CCSER1: variants seen among roughly 807,000 people sequenced by gnomAD.
CCSER1 encodes the protein serine-rich coiled-coil domain-containing protein 1.
In CCSER1, 41 loss-of-function variants were observed where a neutral mutation model predicts 82.0. The ratio of observed to expected loss-of-function variants is 0.50; its 90% CI spans 0.39 to 0.65. The LOEUF is 0.65. CCSER1 is among the 30% of genes least tolerant of loss of function. CCSER1 has a pLI of 0.00. For synonymous variants in CCSER1, 414 were observed against 383.9 expected, an observed-to-expected ratio of 1.08 and a Z score of -0.92; for missense variants, 1,119 against 1,064.2, an observed-to-expected ratio of 1.05 and a Z score of -0.72.
At chr4:91,443,681 GAAAAT>G (rs1755362244) in intron 10 of CCSER1, among the ~76,000 whole-genome samples, 2 of 147,202 alleles carry the variant, frequency 1.4e-5, no homozygotes, top group South Asian at 2.1e-4. Flanking sequence ...TAAAATAAAA[GAAAAT>G]AATATTAGCG....
intron 10 of CCSER1, among the ~76,000 whole-genome samples, chr4:91,144,649 G>A (rs923349679): frequency 6.7e-6 from 1 of 149,834 alleles, no homozygotes; most frequent in Non-Finnish European, 1.5e-5. Flanking sequence ...GGAGATTTTG[G>A]TATATTGTGT....
At chr4:90,348,217 G>A (rs1561071107) in intron 3 of CCSER1, among the ~76,000 whole-genome samples, 1 of 152,160 alleles carries the variant, frequency 6.6e-6, no homozygotes, top group East Asian at 1.9e-4. Context: ...AACCCCCATG[G>A]TGCACGTTTA....
chr4:91,099,675 G>T (rs1410630306), intron 10 of CCSER1, among the ~76,000 whole-genome samples: 1 of 152,142 alleles, frequency 6.6e-6, no homozygotes, highest in Non-Finnish European at 1.5e-5. Context: ...GGGGTGGGGT[G>T]GGGACTGCTT....
intron 3 of CCSER1, among the ~76,000 whole-genome samples, chr4:90,395,360 C>T (rs558598346): frequency 4.6e-5 from 7 of 152,264 alleles, no homozygotes; most frequent in Admixed American, 2.0e-4. Flanking sequence ...TAATGCTAGG[C>T]ATTTATATTT....
intron 10 of CCSER1, among the ~76,000 whole-genome samples, chr4:91,421,825 A>G (rs1753699656): frequency 6.6e-6 from 1 of 151,874 alleles, no homozygotes; most frequent in African/African-American, 2.4e-5. Context: ...AAAAACCACA[A>G]TGAGAAAGGA....
intron 6 of CCSER1, among the ~76,000 whole-genome samples, chr4:90,644,127 G>T (rs1210284346): frequency 1.3e-5 from 2 of 152,102 alleles, no homozygotes; most frequent in Non-Finnish European, 2.9e-5. Flanking sequence ...CTAAACACAG[G>T]TTTAATATCC....
chr4:91,267,852 T>C (rs1289919441), intron 10 of CCSER1, among the ~76,000 whole-genome samples: 1 of 152,212 alleles, frequency 6.6e-6, no homozygotes, highest in Non-Finnish European at 1.5e-5. Context: ...GTTAAAATGA[T>C]ATAAAGCATG....
At chr4:90,838,559 C>CAA (rs372607862) in intron 8 of CCSER1, among the ~76,000 whole-genome samples, 5 of 146,540 alleles carry the variant, frequency 3.4e-5, no homozygotes, top group Admixed American at 6.8e-5. Context: ...ATCATTTGAA[C>CAA]AAAAAAAAAA....
chr4:91,253,895 C>A (rs1014846356), intron 10 of CCSER1, among the ~76,000 whole-genome samples: 5 of 152,006 alleles, frequency 3.3e-5, no homozygotes, highest in Non-Finnish European at 7.4e-5. Context: ...ATAACCAGAT[C>A]TCATGAGAAC....
At chr4:90,666,837 A>C (rs947451486) in intron 6 of CCSER1, among the ~76,000 whole-genome samples, 1 of 152,172 alleles carries the variant, frequency 6.6e-6, no homozygotes, top group South Asian at 2.1e-4. Flanking sequence ...GAATCAGGGA[A>C]ATGTATCAGG....
intron 3 of CCSER1, among the ~76,000 whole-genome samples, chr4:90,354,627 C>A (rs1428305362): frequency 6.6e-6 from 1 of 151,932 alleles, no homozygotes; most frequent in Non-Finnish European, 1.5e-5. Flanking sequence ...TTCAATTATA[C>A]CCCAATACAT....
At chr4:90,879,534 GA>G (rs1448093254) in intron 8 of CCSER1, among the ~76,000 whole-genome samples, 5,907 of 141,868 alleles carry the variant, frequency 0.042, 123 homozygotes, top group Middle Eastern at 0.057. Context: ...GGAAGAGGAA[GA>G]AGAAGAAAGA....
chr4:90,949,216 C>T (rs1732618668), intron 9 of CCSER1, among the ~76,000 whole-genome samples: 1 of 151,998 alleles, frequency 6.6e-6, no homozygotes, highest in Non-Finnish European at 1.5e-5. Flanking sequence ...GAAAAAGACA[C>T]ATTTGATGTC....
chr4:90,850,120 C>A (rs959555893), intron 8 of CCSER1, among the ~76,000 whole-genome samples: 1 of 152,178 alleles, frequency 6.6e-6, no homozygotes, highest in African/African-American at 2.4e-5. Flanking sequence ...AAGCCCCAAA[C>A]CTTGGTGACC....
At chr4:91,475,817 C>T (rs1757560273) in intron 10 of CCSER1, among the ~76,000 whole-genome samples, 1 of 151,834 alleles carries the variant, frequency 6.6e-6, no homozygotes, top group South Asian at 2.1e-4. Flanking sequence ...TTCCCAGCCT[C>T]TGGTAACCAC....
At chr4:90,995,062 G>T (rs1467852696) in intron 9 of CCSER1, among the ~76,000 whole-genome samples, 2 of 152,036 alleles carry the variant, frequency 1.3e-5, no homozygotes, top group Non-Finnish European at 2.9e-5. Flanking sequence ...AAATCTTTTT[G>T]CAATTTTACA....
intron 5 of CCSER1, among the ~76,000 whole-genome samples, chr4:90,484,608 CAGGTCTGTTGGAGTTTACTGG>C (rs1284305161): frequency 1.3e-5 from 2 of 152,198 alleles, no homozygotes; most frequent in African/African-American, 4.8e-5. Context: ...CCCTCAGCTG[CAGGTCTGTTGGAGTTTACTGG>C]AGGTCCACTC....
At chr4:91,063,159 T>C (rs1019267659) in intron 9 of CCSER1, among the ~76,000 whole-genome samples, 2 of 152,018 alleles carry the variant, frequency 1.3e-5, no homozygotes, top group African/African-American at 4.8e-5. Flanking sequence ...AAGAAGAAAA[T>C]GCTGTAGTAT....
At chr4:90,726,702 A>C (rs189484317) in intron 7 of CCSER1, among the ~76,000 whole-genome samples, 31 of 152,186 alleles carry the variant, frequency 2.0e-4, no homozygotes, top group Non-Finnish European at 3.5e-4. Context: ...TGCTAATCTC[A>C]AATTTACTGT....
Sources: gnomAD v4.1 joint callset for allele counts (sites outside exome capture counted in the v4.1 genomes callset) on GRCh38, gnomAD v4.1.1 for gene constraint, MANE v1.5 for transcripts, NCBI Gene and HGNC (gene_info 2026-07-23, HGNC 2026-07-21) for gene names.